CHRNA7: variants seen among roughly 807,000 people sequenced by gnomAD.
CHRNA7 encodes neuronal acetylcholine receptor subunit alpha-7.
CHRNA7 carries 17 observed loss-of-function variants against 48.0 expected under a neutral mutation model. The ratio of observed to expected loss-of-function variants is 0.35; its 90% CI spans 0.24 to 0.53. The LOEUF is 0.53. Among genes scored for constraint, CHRNA7 ranks in the 20% least tolerant of loss-of-function variants. The pLI is 0.92. For synonymous variants in CHRNA7, 75 were observed against 242.3 expected (o/e 0.31, Z 6.41); for missense variants, 155 against 577.7 (o/e 0.27, Z 7.50).
chr15:32,098,849 T>G (rs1411410679), intron 2 of CHRNA7: 1 of 119,962 alleles, frequency 8.3e-6, no homozygotes, highest in African/African-American at 3.5e-5. Flanking sequence ...TGTTGTAGAA[T>G]CCTACCTCAT....
At chr15:32,141,463 T>G (rs963524659) in intron 4 of CHRNA7, among the ~76,000 whole-genome samples, 4 of 152,192 alleles carry the variant, frequency 2.6e-5, no homozygotes, top group Non-Finnish European at 5.9e-5. Context: ...GTGAAGAAAG[T>G]CATTGGTAGC....
At chr15:32,058,308 A>G (rs974077730) in intron 2 of CHRNA7, among the ~76,000 whole-genome samples, 6 of 152,370 alleles carry the variant, frequency 3.9e-5, no homozygotes, top group East Asian at 3.9e-4. Flanking sequence ...TCAGTCATGC[A>G]TTAAAACAGC....
intron 2 of CHRNA7, among the ~76,000 whole-genome samples, chr15:32,090,658 A>AT (rs5811678): frequency 0.02 from 2,981 of 150,346 alleles, 93 homozygotes; most frequent in African/African-American, 0.07. Flanking sequence ...CATTTCATTC[A>AT]TTTTTTTTTT....
chr15:32,054,332 TG>T (rs1210704797), intron 2 of CHRNA7, among the ~76,000 whole-genome samples: 46 of 152,170 alleles, frequency 3.0e-4, no homozygotes, highest in African/African-American at 1.0e-3. Flanking sequence ...GGAAACAGTT[TG>T]TTTAAGTTCT....
intron 2 of CHRNA7, among the ~76,000 whole-genome samples, chr15:32,064,520 G>T (rs996205333): frequency 2.0e-4 from 31 of 151,866 alleles, no homozygotes; most frequent in Non-Finnish European, 4.0e-4. Context: ...TGTGTGGTGT[G>T]TGCAGGCAGG....
Position 32,093,823 on chromosome 15 carries a change from A to G in CHRNA7, c.196-7480A>G, listed in dbSNP as rs185156257. ...TATACACGTATTACACTGTGGTCTG[A>G]TTTTTTAAATCCCTTAAGCCTTATA... On this transcript the variant is annotated intron_variant, in intron 2 of 9. Coordinates refer to ENST00000306901, the MANE Select transcript of CHRNA7 (RefSeq NM_000746.6). Among the ~76,000 whole-genome samples the G allele has an allele frequency of 9.8e-5, 15 of 152,312 alleles. No individual in the cohort carries two copies. In the East Asian group the frequency reaches 2.9e-3, roughly 29 times the overall value.
At chr15:32,124,392 C>T (rs1405258564) in intron 4 of CHRNA7, among the ~76,000 whole-genome samples, 6 of 152,010 alleles carry the variant, frequency 3.9e-5, no homozygotes, top group African/African-American at 1.2e-4. Flanking sequence ...ACAGTCAATG[C>T]TGATGAAAGT....
chr15:32,128,965 A>G (rs2051112569), intron 4 of CHRNA7, among the ~76,000 whole-genome samples: 1 of 151,804 alleles, frequency 6.6e-6, no homozygotes, highest in Non-Finnish European at 1.5e-5. Flanking sequence ...TTTAATATGG[A>G]TGAGTGTTGA....
intron 4 of CHRNA7, among the ~76,000 whole-genome samples, chr15:32,136,945 T>A (rs2051273115): frequency 7.2e-6 from 1 of 138,430 alleles, no homozygotes; most frequent in South Asian, 2.4e-4. Context: ...GGCAGGAGAA[T>A]GGCGTGAACC....
At chr15:32,136,895 G>A (rs368341507) in intron 4 of CHRNA7, among the ~76,000 whole-genome samples, 85 of 149,574 alleles carry the variant, frequency 5.7e-4, no homozygotes, top group African/African-American at 1.8e-3. Context: ...AGCCGGGCGT[G>A]GTGGCGGGCG....
chr15:32,087,091 G>C (rs1220109098), intron 2 of CHRNA7, among the ~76,000 whole-genome samples: 8 of 152,118 alleles, frequency 5.3e-5, no homozygotes, highest in African/African-American at 1.9e-4. Flanking sequence ...TGAAGGCAAA[G>C]TGTCTACATA....
chr15:32,147,990 C>G (rs1566874550), intron 4 of CHRNA7, among the ~76,000 whole-genome samples: 1 of 152,168 alleles, frequency 6.6e-6, no homozygotes, highest in Non-Finnish European at 1.5e-5. Context: ...CACCTTAGAT[C>G]AGATAGATGA....
At chr15:32,119,407 C>T (rs1291603635) in intron 4 of CHRNA7, among the ~76,000 whole-genome samples, 1 of 152,210 alleles carries the variant, frequency 6.6e-6, no homozygotes, top group African/African-American at 2.4e-5. Flanking sequence ...ATCAATTGCC[C>T]TGAGGCGGGA....
chr15:32,119,464 T>C (rs886664256), intron 4 of CHRNA7, among the ~76,000 whole-genome samples: 1 of 152,110 alleles, frequency 6.6e-6, no homozygotes, highest in African/African-American at 2.4e-5. Context: ...CTGCTGTGGC[T>C]GGAGAGAATT....
intron 4 of CHRNA7, among the ~76,000 whole-genome samples, chr15:32,128,239 T>A (rs901617759): frequency 6.6e-6 from 1 of 152,042 alleles, no homozygotes; most frequent in African/African-American, 2.4e-5. Flanking sequence ...TTCTTCCCAT[T>A]TTATTGTTCC....
chr15:32,078,942 G>A (rs1285700722), intron 2 of CHRNA7, among the ~76,000 whole-genome samples: 2 of 152,120 alleles, frequency 1.3e-5, no homozygotes, highest in Non-Finnish European at 2.9e-5. Context: ...ACATCACAAA[G>A]CTTATCCACC....
At chr15:32,137,766 A>G (rs755476932) in intron 4 of CHRNA7, among the ~76,000 whole-genome samples, 10 of 152,382 alleles carry the variant, frequency 6.6e-5, no homozygotes, top group Non-Finnish European at 1.3e-4. Context: ...GTGTGCACAC[A>G]TGCACTCACA....
rs1302668231 is a variant in CHRNA7, at chr15:32,063,264, G to A, written c.195+32227G>A. Among the ~76,000 whole-genome samples, 4 of 152,038 alleles carry A rather than the reference G, an allele frequency of 2.6e-5. No homozygotes were observed. In the East Asian group the frequency reaches 7.7e-4, roughly 29 times the overall value. ...AAAAAAAAAGTAATTGCACTGTGAT[G>A]TTATGACAGCTATGACATCACTAGG... On this transcript the variant is annotated intron_variant, in intron 2 of 9. Coordinates refer to ENST00000306901, the MANE Select transcript of CHRNA7 (RefSeq NM_000746.6).
At chr15:32,091,068 G>C (rs1411585411) in intron 2 of CHRNA7, among the ~76,000 whole-genome samples, 1 of 152,020 alleles carries the variant, frequency 6.6e-6, no homozygotes, top group Non-Finnish European at 1.5e-5. Flanking sequence ...ATTTTGTAAA[G>C]CTCTTACTTT....
Sources: gnomAD v4.1 joint callset for allele counts (sites outside exome capture counted in the v4.1 genomes callset) on GRCh38, gnomAD v4.1.1 for gene constraint, MANE v1.5 for transcripts, NCBI Gene and HGNC (gene_info 2026-07-23, HGNC 2026-07-21) for gene names.